The following GABRA2 variants were observed in gnomAD, a reference collection of about 807,000 sequenced individuals.
GABRA2 encodes the protein gamma-aminobutyric acid type A receptor subunit alpha2.
Under a neutral mutation model 48.7 loss-of-function variants are expected in GABRA2, and 16 were observed. The ratio of observed to expected loss-of-function variants is 0.33; its 90% confidence interval spans 0.22 to 0.50. GABRA2 has a LOEUF of 0.50. GABRA2 is among the 20% of genes least tolerant of loss of function. GABRA2 has a pLI of 0.98. For synonymous variants in GABRA2, 185 were observed against 184.5 expected (o/e 1.00, Z -0.02); for missense variants, 275 against 535.6 (o/e 0.51, Z 4.80).
chr4:46,261,617 A>C (rs1716998211), intron 9 of GABRA2: 2 of 460,686 alleles, frequency 4.3e-6, no homozygotes, highest in South Asian at 3.9e-5. Context: ...ATGAGTAAAA[A>C]TAAGAATAAG....
chr4:46,300,516 T>C (rs1222464138), intron 8 of GABRA2, among the ~76,000 whole-genome samples: 2 of 152,026 alleles, frequency 1.3e-5, no homozygotes, highest in Non-Finnish European at 2.9e-5. Flanking sequence ...AGTTCTATCA[T>C]CTTGTCACTT....
chr4:46,266,416 T>G (rs964603238), intron 8 of GABRA2, among the ~76,000 whole-genome samples: 1 of 149,792 alleles, frequency 6.7e-6, no homozygotes, highest in Non-Finnish European at 1.5e-5. Context: ...GAGTAATTCT[T>G]GGTTGAGTAT....
rs1408102266 is a variant in GABRA2 at position 46,312,734 on chromosome 4, A to AT, written c.256-19dup. On this transcript the variant is annotated intron_variant, in intron 4 of 9. Coordinates refer to ENST00000381620, the MANE Select transcript of GABRA2 (RefSeq NM_000807.4). ...GTATATTCCTGAAATAAAAAATAGA[A>AT]TTTTTTTGAAAATAGTAAATGTTGT... is the stretch of plus-strand genomic sequence containing the variant. 4.5e-6 allele frequency: 6 copies of AT among 1,331,484 alleles called. No homozygotes were observed. The highest frequency in any genetic ancestry group is 1.4e-5 in the South Asian group (1 of 73,870). The allele number at this position is 1,331,484 out of a possible 1,614,324, so 82.5% of individuals were successfully genotyped here. A position where few individuals can be genotyped will look rare whatever the true frequency, so the allele number is the denominator to read the frequency against.
intron 3 of GABRA2, 107 bp from the exon 4 acceptor site, chr4:46,332,789 G>A: frequency 3.1e-6 from 2 of 644,200 alleles, no homozygotes; most frequent in Non-Finnish European, 5.4e-6. Context: ...ACAAATTCGG[G>A]AGTACTGGGT....
rs73244128 is a variant in GABRA2 at position 46,311,143 on chromosome 4, A to C, written c.477-888T>G. 8.9e-3 allele frequency among the ~76,000 whole-genome samples: 1,352 copies of C among 152,292 alleles called. 10 individuals are homozygous for C. The highest frequency in any genetic ancestry group is 0.027 in the Middle Eastern group (8 of 294). On this transcript the variant is annotated intron_variant, in intron 5 of 9. Transcript: ENST00000381620. ...TAAAGTTTTACTCATTGCCTTAGTTAATAGAAATGATCAATGTACAAAGTC... is the reference window on the plus strand; with the variant it reads ...TAAAGTTTTACTCATTGCCTTAGTTCATAGAAATGATCAATGTACAAAGTC...
chr4:46,361,256 A>G (rs1439992341), intron 3 of GABRA2, among the ~76,000 whole-genome samples: 4 of 152,104 alleles, frequency 2.6e-5, no homozygotes, highest in African/African-American at 9.7e-5. Context: ...TTTAGCAGGA[A>G]AAATGGGCCT....
intron 8 of GABRA2, among the ~76,000 whole-genome samples, chr4:46,289,779 T>A (rs1202426777): frequency 1.3e-5 from 2 of 152,302 alleles, no homozygotes; most frequent in East Asian, 3.9e-4. Context: ...TTCTATTCCA[T>A]TGATCTATGT....
chr4:46,336,226 A>G (rs1198300153), intron 3 of GABRA2, among the ~76,000 whole-genome samples: 2 of 152,184 alleles, frequency 1.3e-5, no homozygotes, highest in Non-Finnish European at 1.5e-5. Flanking sequence ...TATATCATCA[A>G]CTTTAAAAAT....
At position 46,389,741 on chromosome 4, in the gene GABRA2, C is replaced by T. The variant is rs202075718; in HGVS notation, c.-17G>A. 3.1e-6 allele frequency: 3 copies of T among 977,132 alleles called. No individual in the cohort carries two copies. Among genetic ancestry groups the T allele is most frequent in the Non-Finnish European group, 3.6e-6 (3 of 828,822 alleles). 60.5% of individuals were successfully genotyped at this position (977,132 alleles called of 1,614,324 possible). ...CCAACGTGTGCGACCCTACCTGAAACGGCAAGCAGAATTCGGTGTTTTCTT... is the reference window on the plus strand; with the variant it reads ...CCAACGTGTGCGACCCTACCTGAAATGGCAAGCAGAATTCGGTGTTTTCTT... On this transcript the variant is annotated 5_prime_UTR_variant, in exon 1 of 10. Transcript: ENST00000381620.
At chr4:46,314,911 C>T (rs62304120) in intron 4 of GABRA2, among the ~76,000 whole-genome samples, 11,866 of 152,070 alleles carry the variant, frequency 0.078, 610 homozygotes, top group East Asian at 0.24. Flanking sequence ...AAATTAATTC[C>T]ATGTCTTTGC....
chr4:46,347,903 A>C (rs1385852704), intron 3 of GABRA2, among the ~76,000 whole-genome samples: 1 of 151,914 alleles, frequency 6.6e-6, no homozygotes, highest in Non-Finnish European at 1.5e-5. Context: ...AATAACAGGA[A>C]AACAAATAAT....
At chr4:46,293,608 A>T (rs545166043) in intron 8 of GABRA2, among the ~76,000 whole-genome samples, 1 of 152,212 alleles carries the variant, frequency 6.6e-6, no homozygotes, top group Non-Finnish European at 1.5e-5. Context: ...TATTGCCAGA[A>T]TGTGTAATTG....
chr4:46,342,069 G>A (rs1250268397), intron 3 of GABRA2, among the ~76,000 whole-genome samples: 4 of 137,948 alleles, frequency 2.9e-5, no homozygotes, highest in Non-Finnish European at 6.2e-5. Flanking sequence ...AAATCCAGTG[G>A]CTGCCAGACT....
At chr4:46,270,198 T>C (rs1352919131) in intron 8 of GABRA2, among the ~76,000 whole-genome samples, 1 of 152,008 alleles carries the variant, frequency 6.6e-6, no homozygotes, top group East Asian at 1.9e-4. Flanking sequence ...ATATTTTCTT[T>C]CATCTGATTT....
chr4:46,380,288 G>A (rs1159161567), intron 3 of GABRA2, among the ~76,000 whole-genome samples: 5 of 152,142 alleles, frequency 3.3e-5, no homozygotes, highest in African/African-American at 4.8e-5. Context: ...GTTTTCAGGG[G>A]TTTTGTTCAT....
intron 3 of GABRA2, among the ~76,000 whole-genome samples, chr4:46,335,761 G>A (rs1330279042): frequency 5.9e-5 from 9 of 152,114 alleles, no homozygotes; most frequent in South Asian, 2.1e-4. Flanking sequence ...ATGAGCCACC[G>A]TGCCTGGCCC....
At chr4:46,316,459 C>A (rs1049329052) in intron 4 of GABRA2, among the ~76,000 whole-genome samples, 1 of 152,004 alleles carries the variant, frequency 6.6e-6, no homozygotes, top group African/African-American at 2.4e-5. Context: ...CTGACAGCTT[C>A]TTTCCCATGG....
At chr4:46,333,663 C>T (rs1578086113) in intron 3 of GABRA2, among the ~76,000 whole-genome samples, 1 of 151,968 alleles carries the variant, frequency 6.6e-6, no homozygotes, top group Non-Finnish European at 1.5e-5. Context: ...ATTGATAAAA[C>T]GGGGTAGACT....
intron 4 of GABRA2, among the ~76,000 whole-genome samples, chr4:46,327,337 G>T (rs1383235839): frequency 6.6e-6 from 1 of 151,924 alleles, no homozygotes; most frequent in Non-Finnish European, 1.5e-5. Flanking sequence ...TACAATCTAA[G>T]TATCTATAAA....
Sources: allele counts gnomAD v4.1 joint callset (sites outside exome capture counted in the v4.1 genomes callset), GRCh38; gene constraint gnomAD v4.1.1; transcripts MANE v1.5; gene names NCBI Gene and HGNC (gene_info 2026-07-23, HGNC 2026-07-21).